CDC40: variants seen among roughly 807,000 people sequenced by gnomAD.
CDC40 encodes cell division cycle 40.
A neutral mutation model predicts 80.6 loss-of-function variants in CDC40; 27 were observed. The ratio of observed to expected loss-of-function variants is 0.33; its 90% CI spans 0.25 to 0.46. The LOEUF (loss-of-function observed/expected upper bound fraction) is 0.46. Among genes scored for constraint, CDC40 ranks in the 20% least tolerant of loss-of-function variants. CDC40 has a pLI of 1.00. For missense variants in CDC40, 486 were observed against 694.1 expected, an observed-to-expected ratio of 0.70 and a Z score of 3.37; for synonymous variants, 221 against 232.6, an observed-to-expected ratio of 0.95 and a Z score of 0.45.
chr6:110,205,570 AG>A (rs1777551288), intron 3 of CDC40, among the ~76,000 whole-genome samples: 1 of 152,190 alleles, frequency 6.6e-6, no homozygotes, highest in Admixed American at 6.5e-5. Context: ...GCAAGAGGAA[AG>A]CATAACTTAT....
intron 13 of CDC40, among the ~76,000 whole-genome samples, chr6:110,228,532 G>C (rs1308101301): frequency 6.6e-6 from 1 of 151,368 alleles, no homozygotes; most frequent in African/African-American, 2.4e-5. Context: ...ACAACTTTTA[G>C]CTTATTTCTT....
chr6:110,188,418 T>C (rs1183136501), intron 1 of CDC40, among the ~76,000 whole-genome samples: 3 of 152,224 alleles, frequency 2.0e-5, no homozygotes, highest in Non-Finnish European at 4.4e-5. Context: ...TATTGGGCCA[T>C]GTGCAAGATA....
chr6:110,207,106 G>A (rs1057272996), intron 3 of CDC40, among the ~76,000 whole-genome samples: 79 of 152,144 alleles, frequency 5.2e-4, no homozygotes, highest in African/African-American at 1.8e-3. Flanking sequence ...TTAAGGTCAG[G>A]AGTTCAAGAT....
At chr6:110,201,088 A>G (rs1178890515) in intron 2 of CDC40, among the ~76,000 whole-genome samples, 1 of 152,156 alleles carries the variant, frequency 6.6e-6, no homozygotes, top group Non-Finnish European at 1.5e-5. Context: ...GTAAATATTG[A>G]GTATTCTGAG....
At chr6:110,228,716 A>G (rs972032995) in intron 13 of CDC40, 116 bp from the exon 14 acceptor site, 158 of 705,732 alleles carry the variant, frequency 2.2e-4, no homozygotes, top group Non-Finnish European at 2.6e-4. Context: ...ATTTTTTAGT[A>G]TTATAAAGTA....
At chr6:110,202,887 C>T (rs1777511048) in intron 3 of CDC40, among the ~76,000 whole-genome samples, 1 of 151,768 alleles carries the variant, frequency 6.6e-6, no homozygotes, top group African/African-American at 2.4e-5. Context: ...ATTTTTGCCT[C>T]TCCCACTAGG....
At chr6:110,226,374 C>T in intron 13 of CDC40, 131 bp downstream of exon 13, 2 of 487,450 alleles carry the variant, frequency 4.1e-6, no homozygotes, top group Non-Finnish European at 7.2e-6. Flanking sequence ...ATAAGGTAAT[C>T]TTTACAATAT....
chr6:110,187,039 C>T (rs999947935), intron 1 of CDC40, among the ~76,000 whole-genome samples: 3 of 151,944 alleles, frequency 2.0e-5, no homozygotes, highest in Non-Finnish European at 2.9e-5. Context: ...AGTTGAGTGG[C>T]GCAATCTCCG....
chr6:110,220,076 G>T (rs542650764), intron 12 of CDC40, among the ~76,000 whole-genome samples: 9 of 152,290 alleles, frequency 5.9e-5, no homozygotes, highest in African/African-American at 2.2e-4. Context: ...TCTTTGGATA[G>T]TCTTTCCAAA....
chr6:110,204,827 TG>T (rs1393266284), intron 3 of CDC40, among the ~76,000 whole-genome samples: 3 of 151,892 alleles, frequency 2.0e-5, no homozygotes, highest in South Asian at 4.2e-4. Context: ...ACATAGCTAA[TG>T]TTTTTTTTTG....
chr6:110,212,326 G>T, intron 7 of CDC40, 54 bp downstream of exon 7: 1 of 1,575,468 alleles, frequency 6.3e-7, no homozygotes, highest in Non-Finnish European at 8.7e-7. Context: ...TGAAGCCAAC[G>T]TAAAGTTTTA....
chr6:110,229,369 T>C (rs1777906560), intron 14 of CDC40, among the ~76,000 whole-genome samples: 1 of 152,212 alleles, frequency 6.6e-6, no homozygotes, highest in Non-Finnish European at 1.5e-5. Context: ...ACAGCTTCAC[T>C]ACAGCTTGTC....
At chr6:110,226,348 C>T in intron 13 of CDC40, 105 bp downstream of exon 13, 1 of 644,238 alleles carries the variant, frequency 1.6e-6, no homozygotes, top group South Asian at 2.2e-5. Flanking sequence ...AAGTTTGTCA[C>T]TGTGCCATTA....
At chr6:110,196,561 G>T (rs1042103356) in intron 2 of CDC40, among the ~76,000 whole-genome samples, 2 of 151,924 alleles carry the variant, frequency 1.3e-5, no homozygotes, top group African/African-American at 4.8e-5. Flanking sequence ...TAAAATAGTA[G>T]TACTTCAGAA....
chr6:110,188,035 TAGC>T lies in CDC40; in HGVS notation c.190-5144_190-5142del, dbSNP rs563391241. Among the ~76,000 whole-genome samples, 106 of 152,362 alleles carry T rather than the reference TAGC, an allele frequency of 7.0e-4. 3 individuals are homozygous for T. The South Asian group carries it at 0.017, about 24-fold the overall frequency. On this transcript the variant is annotated intron_variant, in intron 1 of 14. Coordinates refer to ENST00000307731, the MANE Select transcript of CDC40 (RefSeq NM_015891.3). ...AGTTGTTCAATTTGTTCTATAATTT[TAGC>T]AGGAGTCAGAGACTGGGACTTACTT...
Position 110,214,582 on chromosome 6 carries a change from A to G in CDC40, c.943-704A>G, listed in dbSNP as rs565251123. Among the ~76,000 whole-genome samples the G allele has an allele frequency of 3.9e-5, 6 of 152,340 alleles. No homozygotes were observed. In the South Asian group the frequency reaches 1.2e-3, roughly 32 times the overall value. Reference sequence around the variant, plus strand: ...CAAGGAATGATTGCAGTCATGAGCAAGAAACCAGGTCTCAGAGGTCGTTTC... The same window carrying G: ...CAAGGAATGATTGCAGTCATGAGCAGGAAACCAGGTCTCAGAGGTCGTTTC... On this transcript the variant is annotated intron_variant, in intron 8 of 14. Coordinates refer to ENST00000307731, the MANE Select transcript of CDC40 (RefSeq NM_015891.3).
chr6:110,195,318 A>G (rs370213688), intron 2 of CDC40, among the ~76,000 whole-genome samples: 22 of 150,992 alleles, frequency 1.5e-4, no homozygotes, highest in African/African-American at 4.9e-4. Flanking sequence ...GTTTGGTCAA[A>G]TGTGTTTTTT....
rs1777936806 is a variant in CDC40 at position 110,231,454 on chromosome 6, C to T, written c.*1323C>T. ...AGTGGAGGTTGCAGTGAGCTGAGAT[C>T]ATGCCACTGCACTCCAGCCTGGGCG... is the stretch of plus-strand genomic sequence containing the variant. On this transcript the variant is annotated 3_prime_UTR_variant, in exon 15 of 15. Transcript: ENST00000307731. 1 of 152,280 alleles carries T rather than the reference C, an allele frequency of 6.6e-6. No individual in the cohort carries two copies. The highest frequency in any genetic ancestry group is 1.5e-5 in the Non-Finnish European group (1 of 68,096). 9.4% of individuals were successfully genotyped at this position (152,280 alleles called of 1,614,324 possible). A position where few individuals can be genotyped will look rare whatever the true frequency, so the allele number is the denominator to read the frequency against.
intron 9 of CDC40, 72 bp downstream of exon 9, chr6:110,215,403 C>A: frequency 8.7e-7 from 1 of 1,154,582 alleles, no homozygotes; most frequent in Non-Finnish European, 1.3e-6. Context: ...TTGACAATAA[C>A]TTTACTACAC....
Sources: allele counts gnomAD v4.1 joint callset (sites outside exome capture counted in the v4.1 genomes callset), GRCh38; gene constraint gnomAD v4.1.1; transcripts MANE v1.5; gene names NCBI Gene and HGNC (gene_info 2026-07-23, HGNC 2026-07-21).